Variants in PRDM16 observed in about 807,000 individuals in gnomAD.
PRDM16 encodes the protein histone-lysine N-methyltransferase PRDM16.
PRDM16 carries 23 observed loss-of-function variants against 110.6 expected under a neutral mutation model. That is an observed-to-expected ratio of 0.21 (90% CI 0.15 to 0.29). The LOEUF (loss-of-function observed/expected upper bound fraction) is 0.29. Ranked by LOEUF, PRDM16 falls within the 10% of genes least tolerant of loss-of-function variation. The pLI is 1.00. For missense variants in PRDM16, 1,615 were observed against 1,794.3 expected (o/e 0.90, Z 1.81); for synonymous variants, 799 against 781.8 (o/e 1.02, Z -0.37).
intron 14 of PRDM16, among the ~76,000 whole-genome samples, chr1:3,430,327 C>G (rs1264254592): frequency 6.6e-6 from 1 of 152,212 alleles, no homozygotes; most frequent in African/African-American, 2.4e-5. Context: ...GAAGAGTCCC[C>G]CCACAGGCTC....
rs149217732 is a variant in PRDM16 at position 3,219,896 on chromosome 1, G to A, written c.388-24191G>A. 2.0e-3 allele frequency among the ~76,000 whole-genome samples: 299 copies of A among 152,332 alleles called. 4 individuals carry two copies. Among genetic ancestry groups the A allele is most frequent in the African/African-American group, 6.8e-3 (284 of 41,580 alleles). ...TCCCCCACAGGCATGAGGTCCCCCG[G>A]ATCCACGGAGCTAGCACAGGCCATG... On this transcript the variant is annotated intron_variant, in intron 2 of 16. Coordinates refer to ENST00000270722, the MANE Select transcript of PRDM16 (RefSeq NM_022114.4).
chr1:3,250,142 G>A (rs1025706301), intron 3 of PRDM16, among the ~76,000 whole-genome samples: 5 of 78,768 alleles, frequency 6.3e-5, no homozygotes, highest in Non-Finnish European at 1.3e-4. Flanking sequence ...CCCACTCCCA[G>A]GATCCCGTTT....
intron 3 of PRDM16, among the ~76,000 whole-genome samples, chr1:3,259,621 TGAACA>T (rs1238229538): frequency 6.6e-6 from 1 of 151,978 alleles, no homozygotes; most frequent in African/African-American, 2.4e-5. Flanking sequence ...GACCAACTAG[TGAACA>T]GGAGGCTGGG....
chr1:3,283,366 G>A (rs1343820449), intron 3 of PRDM16, among the ~76,000 whole-genome samples: 2 of 152,102 alleles, frequency 1.3e-5, no homozygotes, highest in East Asian at 3.9e-4. Context: ...ATTCTCCAAT[G>A]CCCCTCCCTC....
At chr1:3,177,190 A>T (rs886700066) in intron 1 of PRDM16, among the ~76,000 whole-genome samples, 2 of 150,964 alleles carry the variant, frequency 1.3e-5, no homozygotes, top group Non-Finnish European at 3.0e-5. Flanking sequence ...CCCATCTATC[A>T]ATCTTTCCAT....
chr1:3,192,121 C>T (rs1638327489), intron 2 of PRDM16, among the ~76,000 whole-genome samples: 1 of 152,214 alleles, frequency 6.6e-6, no homozygotes, highest in Non-Finnish European at 1.5e-5. Context: ...CAAATATTAA[C>T]ATGATTTGCT....
Position 3,181,879 on chromosome 1 carries a change from TGCAC to T in PRDM16, c.38-4245_38-4242del, listed in dbSNP as rs1397913055. ...ACACACGCAGTCTTACACACGGTCTTGCACACGCAGTCTTACACACGGTCTTACA... is the reference window on the plus strand; with the variant it reads ...ACACACGCAGTCTTACACACGGTCTTACGCAGTCTTACACACGGTCTTACA... On this transcript the variant is annotated intron_variant, in intron 1 of 16. Coordinates refer to ENST00000270722, the MANE Select transcript of PRDM16 (RefSeq NM_022114.4). Among the ~76,000 whole-genome samples the T allele has an allele frequency of 3.3e-5, 3 of 92,146 alleles. No homozygotes were observed. The Admixed American group carries it at 3.9e-4, about 12-fold the overall frequency. The allele number at this position is 92,146 out of a possible 152,430, so 60.5% of individuals were successfully genotyped here. A position where few individuals can be genotyped will look rare whatever the true frequency, so the allele number is the denominator to read the frequency against.
chr1:3,307,457 T>G (rs1163308030), intron 3 of PRDM16: 1 of 152,184 alleles, frequency 6.6e-6, no homozygotes, highest in Non-Finnish European at 1.5e-5. Flanking sequence ...CTTAGATGTT[T>G]CAGTTTCAAT....
At chr1:3,172,646 C>T (rs982620965) in intron 1 of PRDM16, among the ~76,000 whole-genome samples, 1 of 152,240 alleles carries the variant, frequency 6.6e-6, no homozygotes, top group Admixed American at 6.5e-5. Flanking sequence ...CACGCCACCA[C>T]CTGGAGGAAA....
chr1:3,103,266 G>T (rs1262249509), intron 1 of PRDM16, among the ~76,000 whole-genome samples: 1 of 152,196 alleles, frequency 6.6e-6, no homozygotes, highest in African/African-American at 2.4e-5. Context: ...TTGCTCCTGA[G>T]GCCCCTCTTG....
At chr1:3,139,214 GC>G (rs1643497338) in intron 1 of PRDM16, among the ~76,000 whole-genome samples, 1 of 152,186 alleles carries the variant, frequency 6.6e-6, no homozygotes, top group South Asian at 2.1e-4. Context: ...TCCACTTGGT[GC>G]CACCGGGCCT....
rs2817135 is a variant in PRDM16 at position 3,182,337 on chromosome 1, T to A, written c.38-3788T>A. On this transcript the variant is annotated intron_variant, in intron 1 of 16. Coordinates refer to ENST00000270722, the MANE Select transcript of PRDM16 (RefSeq NM_022114.4). ...AATCCCCCTCTGAGGGCACTGCTCG[T>A]GTGGCCCTGGCAGGTGGACGGTGGT... is the stretch of plus-strand genomic sequence containing the variant. Among the ~76,000 whole-genome samples, 14 of 152,252 alleles carry A rather than the reference T, an allele frequency of 9.2e-5. No individual in the cohort carries two copies. In the South Asian group the frequency reaches 2.3e-3, roughly 25 times the overall value.
At chr1:3,179,581 C>T (rs534642683) in intron 1 of PRDM16, among the ~76,000 whole-genome samples, 7 of 152,346 alleles carry the variant, frequency 4.6e-5, no homozygotes, top group Admixed American at 3.3e-4. Flanking sequence ...GGTGGCAGAT[C>T]CATCAGGCAG....
At chr1:3,280,057 A>G (rs567145403) in intron 3 of PRDM16, among the ~76,000 whole-genome samples, 1 of 152,294 alleles carries the variant, frequency 6.6e-6, no homozygotes, top group South Asian at 2.1e-4. Context: ...GGTGAAAAAA[A>G]AAAAACATTT....
At chr1:3,289,568 C>T (rs1279343685) in intron 3 of PRDM16, among the ~76,000 whole-genome samples, 13 of 152,248 alleles carry the variant, frequency 8.5e-5, no homozygotes. Flanking sequence ...CCAGTGCCCA[C>T]AGCCCAGCAG....
intron 1 of PRDM16, among the ~76,000 whole-genome samples, chr1:3,134,058 A>G (rs1037744410): frequency 1.3e-5 from 2 of 152,190 alleles, no homozygotes; most frequent in Non-Finnish European, 2.9e-5. Flanking sequence ...GAGCGTGTCC[A>G]GTTGTGTCAC....
At chr1:3,228,160 C>T (rs1639334590) in intron 2 of PRDM16, among the ~76,000 whole-genome samples, 1 of 152,214 alleles carries the variant, frequency 6.6e-6, no homozygotes, top group South Asian at 2.1e-4. Flanking sequence ...GGGATGTGTC[C>T]AGTGTGTGTC....
In PRDM16 at chr1:3,317,118, G is replaced by A. The variant is rs531163654; in HGVS notation, c.439-68034G>A. ...GACATACGTAATGACAGCGCCCTAC[G>A]TGGTCTCGAGGTTGTCCACAGACGC... On this transcript the variant is annotated intron_variant, in intron 3 of 16. Coordinates refer to ENST00000270722, the MANE Select transcript of PRDM16 (RefSeq NM_022114.4). Among the ~76,000 whole-genome samples, 6 of 152,282 alleles carry A rather than the reference G, an allele frequency of 3.9e-5. No individual in the cohort carries two copies. In the South Asian group the frequency reaches 1.0e-3, roughly 26 times the overall value.
intron 3 of PRDM16, among the ~76,000 whole-genome samples, chr1:3,284,133 G>A (rs538648930): frequency 4.6e-5 from 7 of 151,996 alleles, no homozygotes; most frequent in Non-Finnish European, 7.3e-5. Flanking sequence ...TAGCCCGCCC[G>A]GGAAGCTGGG....
Sources: gnomAD v4.1 joint callset for allele counts (sites outside exome capture counted in the v4.1 genomes callset) on GRCh38, gnomAD v4.1.1 for gene constraint, MANE v1.5 for transcripts, NCBI Gene and HGNC (gene_info 2026-07-23, HGNC 2026-07-21) for gene names.